PIP5K1B: variants seen among roughly 807,000 people sequenced by gnomAD.
PIP5K1B encodes phosphatidylinositol 4-phosphate 5-kinase type-1 beta.
In PIP5K1B, 42 loss-of-function variants were observed where a neutral mutation model predicts 67.0. That is an observed-to-expected ratio of 0.63 (90% CI 0.49 to 0.81). The LOEUF is 0.81. Among genes scored for constraint, PIP5K1B ranks in the 30% least tolerant of loss-of-function variants. The pLI, the probability that PIP5K1B is intolerant of heterozygous loss-of-function variation, is 0.00. For missense variants in PIP5K1B, 459 were observed against 646.3 expected (o/e 0.71, Z 3.14); for synonymous variants, 214 against 231.4 (o/e 0.92, Z 0.68).
chr9:68,915,913 C>T (rs1826067728), intron 8 of PIP5K1B, among the ~76,000 whole-genome samples: 1 of 152,234 alleles, frequency 6.6e-6, no homozygotes, highest in South Asian at 2.1e-4. Context: ...TGCCATACTT[C>T]ACAAAGCCTT....
intron 2 of PIP5K1B, among the ~76,000 whole-genome samples, chr9:68,811,008 C>T (rs1217434078): frequency 6.6e-6 from 1 of 152,132 alleles, no homozygotes; most frequent in Non-Finnish European, 1.5e-5. Flanking sequence ...AATCTCAGCC[C>T]TACCACTTGA....
At chr9:68,938,428 AT>A (rs894562909) in intron 13 of PIP5K1B, among the ~76,000 whole-genome samples, 108 of 147,068 alleles carry the variant, frequency 7.3e-4, no homozygotes, top group South Asian at 5.1e-3. Flanking sequence ...AACTCCTGCC[AT>A]TTTTTTTTTC....
chr9:68,970,979 A>G (rs1829332290), intron 14 of PIP5K1B, among the ~76,000 whole-genome samples: 1 of 152,196 alleles, frequency 6.6e-6, no homozygotes, highest in Non-Finnish European at 1.5e-5. Flanking sequence ...AGCGATTTTT[A>G]TTATTTATGT....
chr9:68,946,405 T>G (rs1331694126), intron 14 of PIP5K1B, among the ~76,000 whole-genome samples: 4 of 128,134 alleles, frequency 3.1e-5, no homozygotes, highest in Admixed American at 1.5e-4. Context: ...TTGTTTTTTG[T>G]TTTTTTTTTG....
chr9:68,961,115 C>T (rs928824816), intron 14 of PIP5K1B, among the ~76,000 whole-genome samples: 30 of 151,380 alleles, frequency 2.0e-4, no homozygotes, highest in African/African-American at 7.3e-4. Flanking sequence ...GAGGCTGAGG[C>T]AGGAGAATGG....
chr9:68,759,505 A>C (rs908959007), intron 2 of PIP5K1B, among the ~76,000 whole-genome samples: 12 of 152,114 alleles, frequency 7.9e-5, no homozygotes, highest in Non-Finnish European at 1.6e-4. Context: ...AACCCAAAAG[A>C]AGGCAGGAAA....
chr9:68,715,519 T>C (rs534761793), intron 1 of PIP5K1B, among the ~76,000 whole-genome samples: 6 of 152,302 alleles, frequency 3.9e-5, no homozygotes, highest in Admixed American at 6.5e-5. Flanking sequence ...AAGGTTACTT[T>C]TGAAAGGAGG....
intron 1 of PIP5K1B, among the ~76,000 whole-genome samples, chr9:68,709,485 G>A (rs988671504): frequency 2.2e-4 from 33 of 152,126 alleles, no homozygotes; most frequent in Non-Finnish European, 4.4e-4. Flanking sequence ...CACAGGCATC[G>A]GCTTCCCACA....
chr9:68,788,721 T>C (rs928530549), intron 2 of PIP5K1B: 1 of 265,512 alleles, frequency 3.8e-6, no homozygotes. Context: ...TAGGACCCCT[T>C]TGGGCATCTG....
chr9:69,000,743 G>A lies in PIP5K1B; in HGVS notation c.1621-7704G>A, dbSNP rs541805762. 5.9e-4 allele frequency among the ~76,000 whole-genome samples: 90 copies of A among 152,228 alleles called. 1 individual carries two copies. The highest frequency in any genetic ancestry group is 2.0e-3 in the African/African-American group (83 of 41,512). ...CTATAAAGACCCTGCCTCCAAATAA[G>A]GTCACATTCTGTGGTGACAACAGTT... On this transcript the variant is annotated intron_variant, in intron 15 of 15. Transcript: ENST00000265382.
chr9:68,739,036 G>A (rs963760359), intron 1 of PIP5K1B, among the ~76,000 whole-genome samples: 2 of 152,046 alleles, frequency 1.3e-5, no homozygotes, highest in African/African-American at 2.4e-5. Flanking sequence ...TCCGTCAGCC[G>A]ACCCTGAACA....
At chr9:68,844,625 G>T (rs1408520419) in intron 4 of PIP5K1B, among the ~76,000 whole-genome samples, 2 of 151,994 alleles carry the variant, frequency 1.3e-5, no homozygotes. Context: ...GAGATCTAAT[G>T]GGGGAGAGCC....
chr9:68,911,082 TG>T (rs896168216), intron 8 of PIP5K1B, among the ~76,000 whole-genome samples: 1 of 152,208 alleles, frequency 6.6e-6, no homozygotes, highest in African/African-American at 2.4e-5. Flanking sequence ...GAGGAAAGAA[TG>T]GGAAACTGGG....
chr9:68,826,524 G>A (rs1050846934), intron 4 of PIP5K1B, among the ~76,000 whole-genome samples: 4 of 152,308 alleles, frequency 2.6e-5, no homozygotes, highest in Middle Eastern at 3.4e-3. Flanking sequence ...CAGTTTGCCT[G>A]CAGGCCCTAT....
At chr9:68,841,381 A>G (rs17483533) in intron 4 of PIP5K1B, among the ~76,000 whole-genome samples, 42,611 of 152,142 alleles carry the variant, frequency 0.28, 6,233 homozygotes, top group Middle Eastern at 0.34. Flanking sequence ...CATTTGCTAT[A>G]TTATTTCTTT....
intron 5 of PIP5K1B, among the ~76,000 whole-genome samples, chr9:68,876,382 C>T (rs1823899725): frequency 6.6e-6 from 1 of 152,182 alleles, no homozygotes; most frequent in Non-Finnish European, 1.5e-5. Context: ...TGTGGTTACA[C>T]TGGTGATAAT....
At chr9:68,709,137 A>G (rs1191145229) in intron 1 of PIP5K1B, among the ~76,000 whole-genome samples, 4 of 152,234 alleles carry the variant, frequency 2.6e-5, no homozygotes, top group Non-Finnish European at 5.9e-5. Flanking sequence ...TCTGTTTACT[A>G]TCATTATTAG....
chr9:68,733,400 C>A (rs185038462), intron 1 of PIP5K1B, among the ~76,000 whole-genome samples: 1 of 152,228 alleles, frequency 6.6e-6, no homozygotes, highest in Admixed American at 6.5e-5. Context: ...AACTGGTTGA[C>A]GTGTGAAGCA....
intron 14 of PIP5K1B, chr9:68,966,739 T>C (rs1434482738): frequency 1.3e-5 from 2 of 152,208 alleles, no homozygotes; most frequent in African/African-American, 4.8e-5. Context: ...AGGTTAGTTA[T>C]AAACAAAAAG....
Sources: gnomAD v4.1 joint callset for allele counts (sites outside exome capture counted in the v4.1 genomes callset) on GRCh38, gnomAD v4.1.1 for gene constraint, MANE v1.5 for transcripts, NCBI Gene and HGNC (gene_info 2026-07-23, HGNC 2026-07-21) for gene names.